The following UNC5CL variants were observed in gnomAD, a reference collection of about 807,000 sequenced individuals.
UNC5CL encodes the protein UNC5C-like protein.
A neutral mutation model predicts 54.1 loss-of-function variants in UNC5CL; 42 were observed. That is an observed-to-expected ratio of 0.78 (90% CI 0.61 to 1.00). The LOEUF (loss-of-function observed/expected upper bound fraction) is 1.00. Among genes scored for constraint, UNC5CL ranks in the 50% least tolerant of loss-of-function variants. The pLI is 0.00. For synonymous variants in UNC5CL, 285 were observed against 285.1 expected, an observed-to-expected ratio of 1.00 and a Z score of 0.00; for missense variants, 619 against 675.6, an observed-to-expected ratio of 0.92 and a Z score of 0.93.
Position 41,034,011 on chromosome 6 carries a change from C to T in UNC5CL, c.556G>A (p.Glu186Lys), listed in dbSNP as rs548542779. 18 of 1,614,150 alleles carry T rather than the reference C, an allele frequency of 1.1e-5. No homozygotes were observed. The highest frequency in any genetic ancestry group is 1.6e-4 in the Middle Eastern group (1 of 6,062). The change falls in exon 3 of 9, where the codon GAG becomes AAG. Residue 186 changes from glutamate (E) to lysine (K), a missense_variant. Coordinates refer to ENST00000244565, the MANE Select transcript of UNC5CL (RefSeq NM_173561.3). ...PCTLTFKHCAEQPSHARTYSS... is the reference protein window; with the variant it reads ...PCTLTFKHCAKQPSHARTYSS... ...TAGGTGCGAGCATGGCTGGGCTGCT[C>T]GGCACAGTGTTTGAACGTGAGAGTG...
intron 2 of UNC5CL, among the ~76,000 whole-genome samples, chr6:41,034,441 T>C (rs1762493926): frequency 6.6e-6 from 1 of 152,220 alleles, no homozygotes. Context: ...AATGGTGCTC[T>C]TCCCTCCCTT....
rs147401029 is a variant in UNC5CL, at chr6:41,034,111, C to T, written c.456G>A (p.Ser152=). ...TTACCAGCCCCTGGGCTTGGGACAG[C>T]GATGGGGCGTCCGACAGGTCCCACA... ...ILVWDLSDAP[S]LSQAQGLVSP... The change falls in exon 3 of 9, where the codon TCG becomes TCA. Residue 152 remains serine (S), a synonymous_variant. Transcript: ENST00000244565. The T allele has an allele frequency of 4.5e-4, 720 of 1,614,078 alleles. 3 individuals are homozygous for T. The African/African-American group carries it at 8.7e-3, about 19-fold the overall frequency.
rs1278303403 is a variant in UNC5CL at position 41,027,806 on chromosome 6, C to G, written c.*567G>C. 6.5e-6 allele frequency: 1 copy of G among 152,778 alleles called. No homozygotes were observed. Among genetic ancestry groups the G allele is most frequent in the Middle Eastern group, 3.1e-3 (1 of 322 alleles). 9.5% of individuals were successfully genotyped at this position (152,778 alleles called of 1,614,324 possible). A position where few individuals can be genotyped will look rare whatever the true frequency, so the allele number is the denominator to read the frequency against. Reference sequence around the variant, plus strand: ...CAAATCCTCTCTCCCCAACATCCTCCGTGAAGCATTCTCGCTGCTCCAGCC... The same window carrying G: ...CAAATCCTCTCTCCCCAACATCCTCGGTGAAGCATTCTCGCTGCTCCAGCC... On this transcript the variant is annotated 3_prime_UTR_variant, in exon 9 of 9. Transcript: ENST00000244565.
Position 41,033,070 on chromosome 6 carries a change from G to A in UNC5CL, c.763C>T (p.Pro255Ser). Residue 255 changes from proline (P) to serine (S), a missense_variant, in exon 4 of 9, where the codon CCG becomes TCG. Pro to Ser is a moderately conservative substitution (Grantham distance 74). Transcript: ENST00000244565. ...KWLQLAVFCS[P>S]LVPGQSHLQL... ...AGATGGGACTGTCCTGGCACCAGCG[G>A]TGAGCAGAATACGGCCAGCTGCAGC... The A allele has an allele frequency of 6.2e-7, 1 of 1,613,266 alleles. No homozygotes were observed. The highest frequency in any genetic ancestry group is 8.5e-7 in the Non-Finnish European group (1 of 1,179,638).
At position 41,035,142 on chromosome 6, in the gene UNC5CL, G is replaced by C; in HGVS notation, c.-61-7C>G. On this transcript the variant is annotated splice_polypyrimidine_tract_variant and splice_region_variant and intron_variant, in intron 1 of 8. Coordinates refer to ENST00000244565, the MANE Select transcript of UNC5CL (RefSeq NM_173561.3). ...GCCAGCCAAAGCCAAAGGCCTGGTG[G>C]GGAAGAAGGGGTCAGTGTCAGGGTA... The C allele has an allele frequency of 6.7e-7, 1 of 1,503,458 alleles. No homozygotes were observed. The highest frequency in any genetic ancestry group is 8.9e-7 in the Non-Finnish European group (1 of 1,129,588). The allele number at this position is 1,503,458 out of a possible 1,614,324, so 93.1% of individuals were successfully genotyped here.
chr6:41,038,292 G>A (rs994402518), intron 1 of UNC5CL, among the ~76,000 whole-genome samples: 1 of 152,164 alleles, frequency 6.6e-6, no homozygotes, highest in African/African-American at 2.4e-5. Context: ...ACCAGTGGCA[G>A]GGGATGGAAT....
chr6:41,031,772 G>A, intron 5 of UNC5CL, 24 bp from the exon 6 acceptor site: 1 of 1,613,646 alleles, frequency 6.2e-7, no homozygotes, highest in Non-Finnish European at 8.5e-7. Flanking sequence ...GTGACAGCGT[G>A]GCCAGTGAGT....
In UNC5CL at chr6:41,031,693, G is replaced by T. The variant is rs368494080; in HGVS notation, c.1107C>A (p.His369Gln). 1 of 1,614,182 alleles carries T rather than the reference G, an allele frequency of 6.2e-7. No individual in the cohort carries two copies. Among genetic ancestry groups the T allele is most frequent in the South Asian group, 1.1e-5 (1 of 91,084 alleles). Residue 369 changes from histidine (H) to glutamine (Q), a missense_variant, in exon 6 of 9, where the codon CAC (histidine) becomes CAA (glutamine). Coordinates refer to ENST00000244565, the MANE Select transcript of UNC5CL (RefSeq NM_173561.3). ...ALTNEIIVTM[H>Q]TFQDGLETKY... ...AGCTCCAACTCACATCCTGGAAGGT[G>T]TGCATGGTGACAATGATCTCATTGG...
At position 41,032,975 on chromosome 6, in the gene UNC5CL, G is replaced by A. The variant is rs1231628205; in HGVS notation, c.858C>T (p.Pro286=). 2 of 1,603,440 alleles carry A rather than the reference G, an allele frequency of 1.2e-6. 1 individual carries two copies. The part of the protein sequence containing the change: ...ALQWALTNEQ[P]HGGRLRGPCQ... ...AGGGCCCACGCAGGCGCCCACCATG[G>A]GGCTGCTCGTTGGTCAGTGCCCACT... Residue 286 remains proline, a synonymous_variant, in exon 4 of 9, where the codon CCC becomes CCT. Coordinates refer to ENST00000244565, the MANE Select transcript of UNC5CL (RefSeq NM_173561.3).
Position 41,033,014 on chromosome 6 carries a change from C to A in UNC5CL, c.819G>T (p.Thr273=), listed in dbSNP as rs534233415. The A allele has an allele frequency of 6.2e-7, 1 of 1,608,198 alleles. No individual in the cohort carries two copies. Among genetic ancestry groups the A allele is most frequent in the South Asian group, 1.1e-5 (1 of 89,918 alleles). Residue 273 remains threonine (T), a synonymous_variant, in exon 4 of 9, where the codon ACG becomes ACT. Transcript: ENST00000244565. ...TCAGTGCCCACTGCAGGGCGCAGGG[C>A]GTGTTGTTGAGGAAGTAGATACGCA... is the stretch of plus-strand genomic sequence containing the variant. The part of the protein sequence containing the change: ...LQLRIYFLNN[T]PCALQWALTN...
At position 41,028,134 on chromosome 6, in the gene UNC5CL, A is replaced by G. The variant is rs1464029309; in HGVS notation, c.*239T>C. 2.4e-5 allele frequency: 13 copies of G among 544,006 alleles called. No individual in the cohort carries two copies. The highest frequency in any genetic ancestry group is 3.9e-5 in the Non-Finnish European group (12 of 310,250). The allele number at this position is 544,006 out of a possible 1,614,324, so 33.7% of individuals were successfully genotyped here. A position where few individuals can be genotyped will look rare whatever the true frequency, so the allele number is the denominator to read the frequency against. ...TTGGCAGGCTGGCCACGCTGAGGCC[A>G]TCTCCTGGGCTCCTGCGCCCTCTGC... On this transcript the variant is annotated 3_prime_UTR_variant, in exon 9 of 9. Transcript: ENST00000244565. This position sits in a 1 kb window ranked among gnomAD's most constrained non-coding sequence, Gnocchi z 4.3.
intron 3 of UNC5CL, 83 bp from the exon 4 acceptor site, chr6:41,033,229 A>C: frequency 6.6e-7 from 1 of 1,505,658 alleles, no homozygotes; most frequent in Non-Finnish European, 8.9e-7. Flanking sequence ...CTGCCACCTG[A>C]GGGGCCTCTG....
Position 41,032,111 on chromosome 6 carries a change from A to G in UNC5CL, c.976T>C (p.Cys326Arg). Residue 326 changes from cysteine to arginine, a missense_variant, in exon 5 of 9, where the codon TGC becomes CGC. Transcript: ENST00000244565. ...EGWENVDDSS[C>R]QLVPHLHIWH... Reference sequence around the variant, plus strand: ...ATGTGGAGATGGGGAACCAGCTGGCAACTGCTGTCATCCACATTCTCCCAA... The same window carrying G: ...ATGTGGAGATGGGGAACCAGCTGGCGACTGCTGTCATCCACATTCTCCCAA... 1 of 1,614,218 alleles carries G rather than the reference A, an allele frequency of 6.2e-7. No individual in the cohort carries two copies. Among genetic ancestry groups the G allele is most frequent in the Admixed American group, 1.7e-5 (1 of 60,028 alleles).
intron 3 of UNC5CL, 151 bp downstream of exon 3, chr6:41,033,730 A>ATCCT: frequency 3.6e-6 from 3 of 836,028 alleles, no homozygotes; most frequent in Non-Finnish European, 5.5e-6. Flanking sequence ...ACATTAGGAC[A>ATCCT]GAGGGGCCAG....
intron 3 of UNC5CL, 131 bp downstream of exon 3, chr6:41,033,728 ACAGAGGGGCCAGAAAGAGACAC>A (rs1409584224): frequency 1.2e-6 from 1 of 823,934 alleles, no homozygotes; most frequent in Non-Finnish European, 1.9e-6. Context: ...AAACATTAGG[ACAGAGGGGCCAGAAAGAGACAC>A]CAGGGGATAA....
rs1561830459 is a variant in UNC5CL, at chr6:41,034,095, C to T, written c.472G>A (p.Gly158Arg). The change falls in exon 3 of 9, where the codon GGG (glycine) becomes AGG (arginine). Residue 158 changes from glycine (G) to arginine (R), a missense_variant. Gly to Arg is a moderately radical substitution (Grantham distance 125, BLOSUM62 -2). Transcript: ENST00000244565. ...SDAPSLSQAQ[G>R]LVSPVVACGP... ...CATGCCACCACAGGGCTTACCAGCC[C>T]CTGGGCTTGGGACAGCGATGGGGCG... 2 of 1,614,126 alleles carry T rather than the reference C, an allele frequency of 1.2e-6. No individual in the cohort carries two copies. Among genetic ancestry groups the T allele is most frequent in the South Asian group, 2.2e-5 (2 of 91,082 alleles).
rs753828146 is a variant in UNC5CL, at chr6:41,031,747, G to A, written c.1053C>T (p.Ala351=). The A allele has an allele frequency of 2.4e-5, 39 of 1,613,986 alleles. No individual in the cohort carries two copies. In the East Asian group the frequency reaches 2.9e-4, roughly 12 times the overall value. The stretch of plus-strand genomic sequence containing the variant: ...GTGCTGAACAGTCCTCATTCTCATC[G>A]GCTATAAAGAGAAGGTGACAGCGTG... ...FRSFCFRRKA[A]DENEDCSALT... The change falls in exon 6 of 9, where the codon GCC becomes GCT. Residue 351 remains alanine, a splice_region_variant and synonymous_variant. Transcript: ENST00000244565.
chr6:41,034,908 G>A lies in UNC5CL; in HGVS notation c.167C>T (p.Pro56Leu). 1 of 1,614,226 alleles carries A rather than the reference G, an allele frequency of 6.2e-7. No individual in the cohort carries two copies. The highest frequency in any genetic ancestry group is 8.5e-7 in the Non-Finnish European group (1 of 1,180,054). Residue 56 changes from proline to leucine, a missense_variant, in exon 2 of 9, where the codon CCT becomes CTT. Pro to Leu is a moderately conservative substitution (Grantham distance 98). Coordinates refer to ENST00000244565, the MANE Select transcript of UNC5CL (RefSeq NM_173561.3). ...GACCTCATTTTCTAGTTGGGGGGTA[G>A]GCTGGGACACTGGTTCCTCTTGACC... Reference protein sequence around the residue: ...LNGQEEPVSQPTPQLENEVSR... With the variant: ...LNGQEEPVSQLTPQLENEVSR...
Position 41,033,125 on chromosome 6 carries a change from C to T in UNC5CL, c.708G>A (p.Glu236=). 2 of 1,613,180 alleles carry T rather than the reference C, an allele frequency of 1.2e-6. No homozygotes were observed. Among genetic ancestry groups the T allele is most frequent in the African/African-American group, 1.3e-5 (1 of 75,058 alleles). ...SHFSLYTCVL[E]APVGREARKW... is the part of the protein sequence containing the mutation. ...TGCGGGCTTCGCGCCCCACAGGTGC[C>T]TCCAGCACACAGGTGTAGAGGCTGC... The change falls in exon 4 of 9, where the codon GAG becomes GAA. Residue 236 remains glutamate (E), a synonymous_variant. Coordinates refer to ENST00000244565, the MANE Select transcript of UNC5CL (RefSeq NM_173561.3).
Sources: gnomAD v4.1 joint callset for allele counts (sites outside exome capture counted in the v4.1 genomes callset) on GRCh38, gnomAD v4.1.1 for gene constraint, Gnocchi (gnomAD v3.1) non-coding constraint, MANE v1.5 for transcripts, NCBI Gene and HGNC (gene_info 2026-07-23, HGNC 2026-07-21) for gene names.